CYTH1: variants seen among roughly 807,000 people sequenced by gnomAD.
The protein encoded by CYTH1 is cytohesin 1, also known as cytohesin-1.
CYTH1 carries 18 observed loss-of-function variants against 61.8 expected under a neutral mutation model. The ratio of observed to expected loss-of-function variants is 0.29; its 90% confidence interval spans 0.20 to 0.43. CYTH1 has a LOEUF of 0.43. Among genes scored for constraint, CYTH1 ranks in the 20% least tolerant of loss-of-function variants. CYTH1 has a pLI of 1.00. For synonymous variants in CYTH1, 174 were observed against 184.3 expected (o/e 0.94, Z 0.45); for missense variants, 336 against 510.5 (o/e 0.66, Z 3.29).
rs56020680 is a variant in CYTH1 at position 78,733,076 on chromosome 17, C to CAAAAAAAAA, written c.23-23353_23-23345dup. 2.7e-4 allele frequency among the ~76,000 whole-genome samples: 13 copies of CAAAAAAAAA among 47,722 alleles called. 1 individual carries two copies. The East Asian group carries it at 4.6e-3, about 17-fold the overall frequency. The allele number at this position is 47,722 out of a possible 152,430, so 31.3% of individuals were successfully genotyped here. A position where few individuals can be genotyped will look rare whatever the true frequency, so the allele number is the denominator to read the frequency against. Reference sequence around the variant, plus strand: ...CTGGCAACAGAGTGAGACTCCATCTCAAAAAAAAAAAAAAAAAAAAAAAAA... The same window carrying CAAAAAAAAA: ...CTGGCAACAGAGTGAGACTCCATCTCAAAAAAAAAAAAAAAAAAAAAAAAAAAAAAAAAA... On this transcript the variant is annotated intron_variant, in intron 1 of 13. Coordinates refer to ENST00000446868, the MANE Select transcript of CYTH1 (RefSeq NM_004762.6).
chr17:78,756,258 T>C (rs2093400864), intron 1 of CYTH1, among the ~76,000 whole-genome samples: 1 of 151,804 alleles, frequency 6.6e-6, no homozygotes, highest in Admixed American at 6.6e-5. Flanking sequence ...GTATTTTTAG[T>C]AGAGACAGGG....
rs4796807 is a variant in CYTH1 at position 78,717,668 on chromosome 17, G to A, written c.23-7936C>T. Among the ~76,000 whole-genome samples the A allele has an allele frequency of 0.13, 19,720 of 151,968 alleles. 1,419 individuals are homozygous for A. Among genetic ancestry groups the A allele is most frequent in the Middle Eastern group, 0.23 (68 of 294 alleles). The stretch of plus-strand genomic sequence containing the variant: ...TCTAGTCTAAAATCCTGCAACCCGC[G>A]CTCCACCGGCCACAGGCAGATGCCC... On this transcript the variant is annotated intron_variant, in intron 1 of 13. Coordinates refer to ENST00000446868, the MANE Select transcript of CYTH1 (RefSeq NM_004762.6). The surrounding 1 kb of genome is among the most constrained non-coding windows in gnomAD (Gnocchi z 4.4).
At chr17:78,770,791 G>GT (rs1180807096) in intron 1 of CYTH1, among the ~76,000 whole-genome samples, 1 of 152,044 alleles carries the variant, frequency 6.6e-6, no homozygotes, top group Non-Finnish European at 1.5e-5. Flanking sequence ...ACAATGCCAG[G>GT]TAAGGGCACG....
At chr17:78,721,686 C>T (rs984363892) in intron 1 of CYTH1, among the ~76,000 whole-genome samples, 1 of 152,206 alleles carries the variant, frequency 6.6e-6, no homozygotes, top group Non-Finnish European at 1.5e-5. Flanking sequence ...ATCACCTCTT[C>T]CAGCCTCAGT....
chr17:78,680,737 G>C (rs942273289), intron 12 of CYTH1, among the ~76,000 whole-genome samples: 3 of 152,204 alleles, frequency 2.0e-5, no homozygotes, highest in African/African-American at 7.2e-5. Flanking sequence ...CATTGCAGGA[G>C]GGGCAACTTC....
intron 9 of CYTH1, among the ~76,000 whole-genome samples, chr17:78,697,898 A>G (rs2092957963): frequency 6.6e-6 from 1 of 152,204 alleles, no homozygotes; most frequent in African/African-American, 2.4e-5. Context: ...AACCAATTCA[A>G]GGGTAAAAAT....
Position 78,680,248 on chromosome 17 carries a change from C to G in CYTH1, c.1060G>C (p.Val354Leu). Residue 354 changes from valine to leucine, a missense_variant, in exon 13 of 14, where the codon GTT becomes CTT. Physicochemically the swap from Val to Leu is conservative, Grantham distance 32. Around this residue, in one of 4 missense-constraint regions of CYTH1, gnomAD observed 83 missense variants for 115.6 expected, o/e 0.72. Coordinates refer to ENST00000446868, the MANE Select transcript of CYTH1 (RefSeq NM_004762.6). ...GGCGTCGGAGCTGAGATCCGGTAAA[C>G]AGTGTGGTTCCCCTCCACCACCCGC... ...DGRVVEGNHT[V>L]YRISAPTPEE... The G allele has an allele frequency of 6.2e-7, 1 of 1,614,184 alleles. No homozygotes were observed. Among genetic ancestry groups the G allele is most frequent in the South Asian group, 1.1e-5 (1 of 91,084 alleles).
intron 1 of CYTH1, among the ~76,000 whole-genome samples, chr17:78,769,340 G>C (rs1390491037): frequency 1.3e-5 from 2 of 151,650 alleles, no homozygotes; most frequent in Non-Finnish European, 2.9e-5. Context: ...AGAACCATTT[G>C]TAGCTCCCCA....
rs9912802 is a variant in CYTH1 at position 78,694,662 on chromosome 17, C to A, written c.814+1345G>T. On this transcript the variant is annotated intron_variant, in intron 10 of 13. Coordinates refer to ENST00000446868, the MANE Select transcript of CYTH1 (RefSeq NM_004762.6). ...CATCAACCCATGCTGACCTCCCATG[C>A]GCTCCATCACAGGACACTACCCGGG... Among the ~76,000 whole-genome samples, 194 of 152,172 alleles carry A rather than the reference C, an allele frequency of 1.3e-3. 1 individual carries two copies. The highest frequency in any genetic ancestry group is 4.4e-3 in the African/African-American group (182 of 41,506).
Position 78,675,896 on chromosome 17 carries a change from G to C in CYTH1, c.*195C>G. 1 of 1,504,792 alleles carries C rather than the reference G, an allele frequency of 6.6e-7. No homozygotes were observed. Among genetic ancestry groups the C allele is most frequent in the South Asian group, 1.3e-5 (1 of 76,346 alleles). The allele number at this position is 1,504,792 out of a possible 1,614,324, so 93.2% of individuals were successfully genotyped here. A position where few individuals can be genotyped will look rare whatever the true frequency, so the allele number is the denominator to read the frequency against. ...TGGAGCCCATGCTGGACAGGTGGCC[G>C]GTCCTCTCTTCCCCAGTGATAACTG... is the stretch of plus-strand genomic sequence containing the variant. On this transcript the variant is annotated 3_prime_UTR_variant, in exon 14 of 14. Coordinates refer to ENST00000446868, the MANE Select transcript of CYTH1 (RefSeq NM_004762.6).
rs950240695 is a variant in CYTH1 at position 78,674,628 on chromosome 17, G to C, written c.*1463C>G. On this transcript the variant is annotated 3_prime_UTR_variant, in exon 14 of 14. Transcript: ENST00000446868. Reference sequence around the variant, plus strand: ...AGGATCAGAGGAGCCGTGGCGACGCGGCCCTGTGAAAACCCGCAGCTCCTC... The same window carrying C: ...AGGATCAGAGGAGCCGTGGCGACGCCGCCCTGTGAAAACCCGCAGCTCCTC... 6.6e-6 allele frequency: 1 copy of C among 152,486 alleles called. No homozygotes were observed. Among genetic ancestry groups the C allele is most frequent in the African/African-American group, 2.4e-5 (1 of 41,468 alleles). 9.4% of individuals were successfully genotyped at this position (152,486 alleles called of 1,614,324 possible).
At chr17:78,681,126 A>T (rs982383225) in intron 11 of CYTH1, 84 bp from the exon 12 acceptor site, 4 of 1,367,058 alleles carry the variant, frequency 2.9e-6, no homozygotes, top group Non-Finnish European at 3.1e-6. Flanking sequence ...ACTCAGCCGA[A>T]CTTTCCTGCT....
chr17:78,758,258 C>T (rs2093409616), intron 1 of CYTH1, among the ~76,000 whole-genome samples: 1 of 152,188 alleles, frequency 6.6e-6, no homozygotes. Context: ...TTGGCCGAGG[C>T]CCCAAGCATC....
At chr17:78,734,153 G>A (rs897138254) in intron 1 of CYTH1, among the ~76,000 whole-genome samples, 1 of 151,914 alleles carries the variant, frequency 6.6e-6, no homozygotes, top group Non-Finnish European at 1.5e-5. Context: ...AGGAGGCTGA[G>A]GCAGGAGAAT....
Position 78,709,659 on chromosome 17 carries a change from A to G in CYTH1, c.96T>C (p.Ala32=). Residue 32 remains alanine (A), a synonymous_variant, in exon 2 of 14, where the codon GCT becomes GCC. Coordinates refer to ENST00000446868, the MANE Select transcript of CYTH1 (RefSeq NM_004762.6). ...CATGCCACTCTCCTACCTGAATGTC[A>G]GCCAGCAGCTCCTGTTTTCTCCGTC... ...NIRRRKQELL[A]DIQRLKDEIA... 1 of 1,614,232 alleles carries G rather than the reference A, an allele frequency of 6.2e-7. No individual in the cohort carries two copies. Among genetic ancestry groups the G allele is most frequent in the Non-Finnish European group, 8.5e-7 (1 of 1,180,032 alleles).
At chr17:78,683,115 G>A (rs1469035145) in intron 11 of CYTH1, among the ~76,000 whole-genome samples, 1 of 152,114 alleles carries the variant, frequency 6.6e-6, no homozygotes, top group Non-Finnish European at 1.5e-5. Flanking sequence ...CTTCTACCAT[G>A]CTTTGAATTT....
At chr17:78,759,975 G>A (rs2093415575) in intron 1 of CYTH1, among the ~76,000 whole-genome samples, 1 of 152,170 alleles carries the variant, frequency 6.6e-6, no homozygotes, top group African/African-American at 2.4e-5. Context: ...GCATGTGCAT[G>A]TATGTACGTA....
intron 1 of CYTH1, among the ~76,000 whole-genome samples, chr17:78,718,218 TACACACACACACACACACAC>T (rs55803104): frequency 1.0e-4 from 13 of 128,396 alleles, no homozygotes; most frequent in South Asian, 2.7e-4. Context: ...AAACACTGAA[TACACACACACACACACACAC>T]ACACACACAC....
At chr17:78,689,726 C>A (rs1453280926) in intron 11 of CYTH1, among the ~76,000 whole-genome samples, 1 of 152,206 alleles carries the variant, frequency 6.6e-6, no homozygotes, top group Admixed American at 6.5e-5. Flanking sequence ...AATATACAGT[C>A]TTGAGCCTTT....
Sources: gnomAD v4.1 joint callset for allele counts (sites outside exome capture counted in the v4.1 genomes callset) on GRCh38, gnomAD v4.1.1 for gene constraint, gnomAD v4.1.1 regional missense constraint, Gnocchi (gnomAD v3.1) non-coding constraint, MANE v1.5 for transcripts, NCBI Gene and HGNC (gene_info 2026-07-23, HGNC 2026-07-21) for gene names.